Variants in CORIN observed in about 807,000 individuals in gnomAD.
The protein encoded by CORIN is atrial natriuretic peptide-converting enzyme.
In CORIN, 117 loss-of-function variants were observed where a neutral mutation model predicts 125.3. The observed-to-expected ratio is 0.93, with a 90% CI of 0.80 to 1.09. The LOEUF is 1.09. Among genes scored for constraint, CORIN ranks in the 50% least tolerant of loss-of-function variants. CORIN has a pLI of 0.00. For synonymous variants in CORIN, 450 were observed against 466.4 expected (o/e 0.96, Z 0.45); for missense variants, 1,253 against 1,306.7 (o/e 0.96, Z 0.63).
chr4:47,797,093 A>C (rs568494483), intron 2 of CORIN, among the ~76,000 whole-genome samples: 1 of 151,848 alleles, frequency 6.6e-6, no homozygotes, highest in Non-Finnish European at 1.5e-5. Context: ...CACTCAATAC[A>C]TATTTGTTAA....
At chr4:47,719,283 T>C (rs1419882538) in intron 5 of CORIN, among the ~76,000 whole-genome samples, 2 of 152,138 alleles carry the variant, frequency 1.3e-5, no homozygotes, top group African/African-American at 4.8e-5. Flanking sequence ...AAATTCTCCA[T>C]ATGTGAGTCC....
intron 1 of CORIN, among the ~76,000 whole-genome samples, chr4:47,829,545 C>T (rs1238544058): frequency 6.6e-6 from 1 of 152,210 alleles, no homozygotes; most frequent in Non-Finnish European, 1.5e-5. Context: ...ACCCCTGATT[C>T]ATGGCCAATC....
chr4:47,698,790 C>A (rs190109370), intron 5 of CORIN, among the ~76,000 whole-genome samples: 3 of 152,288 alleles, frequency 2.0e-5, no homozygotes, highest in Admixed American at 2.0e-4. Context: ...TAACAATGGA[C>A]TACATATACA....
chr4:47,744,398 C>T lies in CORIN; in HGVS notation c.799+4G>A, dbSNP rs202090433. On this transcript the variant is annotated splice_donor_region_variant and intron_variant, in intron 5 of 21. Coordinates refer to ENST00000273857, the MANE Select transcript of CORIN (RefSeq NM_006587.4). ...TAAAAATGAAATGAAACACAGACACCTACATTGCTTTCCGTTTTCCTGCTG... is the reference window on the plus strand; with the variant it reads ...TAAAAATGAAATGAAACACAGACACTTACATTGCTTTCCGTTTTCCTGCTG... 3.1e-6 allele frequency: 5 copies of T among 1,612,614 alleles called. No individual in the cohort carries two copies. The East Asian group carries it at 6.7e-5, about 22-fold the overall frequency.
At chr4:47,699,589 C>T (rs1195789682) in intron 5 of CORIN, among the ~76,000 whole-genome samples, 20 of 152,264 alleles carry the variant, frequency 1.3e-4, no homozygotes, top group Admixed American at 3.9e-4. Flanking sequence ...ACACATTATA[C>T]GTGCAAGTTA....
Position 47,760,864 on chromosome 4 carries a change from C to G in CORIN, c.617+2515G>C, listed in dbSNP as rs192531064. Reference sequence around the variant, plus strand: ...TGACTTGCTGCAGCTTCTAAATGAGCACTTGTTACGTCATCTTGCACATTT... The same window carrying G: ...TGACTTGCTGCAGCTTCTAAATGAGGACTTGTTACGTCATCTTGCACATTT... On this transcript the variant is annotated intron_variant, in intron 4 of 21. Coordinates refer to ENST00000273857, the MANE Select transcript of CORIN (RefSeq NM_006587.4). Among the ~76,000 whole-genome samples the G allele has an allele frequency of 2.6e-5, 4 of 152,282 alleles. No individual in the cohort carries two copies. The East Asian group carries it at 7.7e-4, about 29-fold the overall frequency.
chr4:47,801,900 C>T (rs192889811), intron 2 of CORIN, among the ~76,000 whole-genome samples: 47 of 152,300 alleles, frequency 3.1e-4, no homozygotes, highest in African/African-American at 1.0e-3. Context: ...AGACACATGA[C>T]CTACTGAGAC....
At chr4:47,787,412 A>G (rs1217401461) in intron 2 of CORIN, among the ~76,000 whole-genome samples, 2 of 152,062 alleles carry the variant, frequency 1.3e-5, no homozygotes, top group Admixed American at 6.6e-5. Context: ...CATCAGCTTT[A>G]TATTTCCCAC....
chr4:47,712,916 G>A (rs1340209250), intron 5 of CORIN, among the ~76,000 whole-genome samples: 3 of 152,128 alleles, frequency 2.0e-5, no homozygotes, highest in Admixed American at 1.3e-4. Context: ...AGTGGAGAGT[G>A]GGCATGATTC....
intron 1 of CORIN, among the ~76,000 whole-genome samples, chr4:47,833,685 A>G (rs1733197663): frequency 6.6e-6 from 1 of 152,214 alleles, no homozygotes; most frequent in South Asian, 2.1e-4. Flanking sequence ...TCCAACATAT[A>G]TAAGGAACTC....
At chr4:47,774,441 C>T (rs1259909542) in intron 3 of CORIN, among the ~76,000 whole-genome samples, 3 of 152,112 alleles carry the variant, frequency 2.0e-5, no homozygotes, top group African/African-American at 7.2e-5. Context: ...TTGCTTTATG[C>T]TTCCAGTTTT....
chr4:47,627,405 AT>A (rs1298259247), intron 16 of CORIN, among the ~76,000 whole-genome samples: 1 of 152,238 alleles, frequency 6.6e-6, no homozygotes, highest in African/African-American at 2.4e-5. Context: ...TGATGATAGA[AT>A]AAGAGCCAAA....
chr4:47,694,546 T>C (rs1342940289), intron 5 of CORIN, among the ~76,000 whole-genome samples: 1 of 152,108 alleles, frequency 6.6e-6, no homozygotes, highest in Admixed American at 6.6e-5. Context: ...CTGCAGTATG[T>C]ATTCCTTGAT....
intron 6 of CORIN, among the ~76,000 whole-genome samples, chr4:47,687,287 G>T (rs1445875362): frequency 6.6e-6 from 1 of 152,178 alleles, no homozygotes; most frequent in Non-Finnish European, 1.5e-5. Flanking sequence ...AAATGGCAAA[G>T]ATCACAGTGT....
intron 16 of CORIN, among the ~76,000 whole-genome samples, chr4:47,638,990 T>A (rs1723134164): frequency 6.6e-6 from 1 of 152,196 alleles, no homozygotes; most frequent in South Asian, 2.1e-4. Context: ...TAAGTGCAGG[T>A]GTTTTAAATC....
intron 3 of CORIN, among the ~76,000 whole-genome samples, chr4:47,764,256 G>A (rs924102324): frequency 5.9e-5 from 9 of 152,122 alleles, no homozygotes; most frequent in Admixed American, 4.6e-4. Context: ...GCAAAGATTT[G>A]TAATCCCGCC....
chr4:47,670,431 T>C (rs928723000), intron 10 of CORIN, among the ~76,000 whole-genome samples: 1 of 152,194 alleles, frequency 6.6e-6, no homozygotes, highest in Non-Finnish European at 1.5e-5. Flanking sequence ...GATTGGCTTC[T>C]CTACCACATG....
chr4:47,625,916 T>C (rs1476335789), intron 17 of CORIN, among the ~76,000 whole-genome samples: 2 of 152,282 alleles, frequency 1.3e-5, no homozygotes, highest in Admixed American at 1.3e-4. Context: ...ACCCCACCCA[T>C]AGACAAGGGA....
intron 4 of CORIN, among the ~76,000 whole-genome samples, chr4:47,757,091 T>C (rs1210129601): frequency 6.6e-6 from 1 of 152,154 alleles, no homozygotes; most frequent in Non-Finnish European, 1.5e-5. Flanking sequence ...TCTTCATTAT[T>C]TGGTTAGCAG....
Sources: allele counts gnomAD v4.1 joint callset (sites outside exome capture counted in the v4.1 genomes callset), GRCh38; gene constraint gnomAD v4.1.1; transcripts MANE v1.5; gene names NCBI Gene and HGNC (gene_info 2026-07-23, HGNC 2026-07-21).